The following AFAP1 variants were observed in gnomAD, a reference collection of about 807,000 sequenced individuals.
AFAP1 encodes the protein actin filament associated protein 1, also known as actin filament-associated protein 1.
AFAP1 carries 75 observed loss-of-function variants against 93.9 expected under a neutral mutation model. The observed-to-expected ratio is 0.80, with a 90% CI of 0.66 to 0.97. AFAP1 has a LOEUF of 0.97. Among genes scored for constraint, AFAP1 ranks in the 50% least tolerant of loss-of-function variants. The pLI is 0.00. For missense variants in AFAP1, 1,201 were observed against 1,050.8 expected (o/e 1.14, Z -1.98); for synonymous variants, 517 against 430.7 (o/e 1.20, Z -2.48).
At chr4:7,798,513 G>A (rs553403807) in intron 10 of AFAP1, among the ~76,000 whole-genome samples, 2 of 152,328 alleles carry the variant, frequency 1.3e-5, no homozygotes, top group East Asian at 3.9e-4. Context: ...GATGAGGTCA[G>A]GCTTCTTGCT....
intron 1 of AFAP1, among the ~76,000 whole-genome samples, chr4:7,880,577 C>T (rs892531211): frequency 6.6e-6 from 1 of 152,214 alleles, no homozygotes; most frequent in African/African-American, 2.4e-5. Flanking sequence ...CGCACCCGGC[C>T]CAAATGCCTT....
At chr4:7,928,397 G>T (rs916322926) in intron 1 of AFAP1, among the ~76,000 whole-genome samples, 3 of 151,624 alleles carry the variant, frequency 2.0e-5, no homozygotes, top group South Asian at 2.1e-4. Context: ...TGTTTTTTTG[G>T]TTTTTTTTGA....
intron 1 of AFAP1, among the ~76,000 whole-genome samples, chr4:7,890,905 T>C (rs918941548): frequency 6.6e-6 from 1 of 152,170 alleles, no homozygotes; most frequent in Admixed American, 6.5e-5. Context: ...GATCCAGTAA[T>C]GCCACTCCTG....
intron 1 of AFAP1, among the ~76,000 whole-genome samples, chr4:7,919,681 G>C (rs1194270744): frequency 6.6e-6 from 1 of 151,886 alleles, no homozygotes; most frequent in African/African-American, 2.4e-5. Context: ...GGATGTGCAG[G>C]TTTGTTACAT....
intron 1 of AFAP1, among the ~76,000 whole-genome samples, chr4:7,916,604 C>T (rs566248716): frequency 3.7e-4 from 57 of 152,196 alleles, no homozygotes; most frequent in Admixed American, 3.3e-3. Context: ...GACTCCCCTC[C>T]CCCTCCTGCA....
chr4:7,770,695 A>T (rs1158338256), intron 16 of AFAP1, among the ~76,000 whole-genome samples: 1 of 152,186 alleles, frequency 6.6e-6, no homozygotes, highest in East Asian at 1.9e-4. Context: ...GAGGTCAGGA[A>T]GGATGAGATC....
chr4:7,838,206 C>A (rs1356217281), intron 6 of AFAP1, among the ~76,000 whole-genome samples: 1 of 152,082 alleles, frequency 6.6e-6, no homozygotes, highest in African/African-American at 2.4e-5. Flanking sequence ...AGAAGCCCAG[C>A]CAATCCCAAC....
chr4:7,915,276 T>G (rs1254385009), intron 1 of AFAP1, among the ~76,000 whole-genome samples: 1 of 38,366 alleles, frequency 2.6e-5, no homozygotes, highest in East Asian at 4.1e-3. Flanking sequence ...CTTCTCACTG[T>G]GGTTTTGATT....
intron 1 of AFAP1, among the ~76,000 whole-genome samples, chr4:7,915,642 T>C (rs1262030767): frequency 6.6e-6 from 1 of 152,234 alleles, no homozygotes; most frequent in Non-Finnish European, 1.5e-5. Flanking sequence ...TTTGGGAAGG[T>C]CCCTTAACCA....
chr4:7,890,658 C>T (rs768219349), intron 1 of AFAP1, among the ~76,000 whole-genome samples: 20 of 152,230 alleles, frequency 1.3e-4, no homozygotes, highest in Middle Eastern at 3.4e-3. Flanking sequence ...TGGTTACAGA[C>T]ATTTCAGGAA....
chr4:7,837,504 C>G (rs1238867221), intron 6 of AFAP1, among the ~76,000 whole-genome samples: 2 of 152,172 alleles, frequency 1.3e-5, no homozygotes, highest in African/African-American at 4.8e-5. Flanking sequence ...TGATCTTGGA[C>G]TTCTCAGACT....
chr4:7,833,290 A>T (rs191013181), intron 6 of AFAP1, among the ~76,000 whole-genome samples: 69 of 152,328 alleles, frequency 4.5e-4, no homozygotes, highest in South Asian at 8.3e-4. Flanking sequence ...CAACGAACTC[A>T]AACAAATTAG....
chr4:7,841,152 G>A (rs777257689), intron 5 of AFAP1, among the ~76,000 whole-genome samples: 11 of 152,216 alleles, frequency 7.2e-5, no homozygotes, highest in East Asian at 1.9e-4. Context: ...ATGAATGGGC[G>A]TCCTGAAGAC....
chr4:7,836,036 G>C lies in AFAP1; in HGVS notation c.726+2488C>G, dbSNP rs112650962. 2.3e-3 allele frequency among the ~76,000 whole-genome samples: 356 copies of C among 152,182 alleles called. 1 individual carries two copies. Among genetic ancestry groups the C allele is most frequent in the African/African-American group, 8.2e-3 (340 of 41,514 alleles). The stretch of plus-strand genomic sequence containing the variant: ...TCTAGGAATCAAGTTATTTCCATAG[G>C]AACAACTGGGGACCCCCGTGAAAAA... On this transcript the variant is annotated intron_variant, in intron 6 of 17. Transcript: ENST00000420658.
chr4:7,813,346 A>G (rs1253928063), intron 8 of AFAP1, among the ~76,000 whole-genome samples: 4 of 152,258 alleles, frequency 2.6e-5, no homozygotes, highest in African/African-American at 4.8e-5. Flanking sequence ...TGCTACATGC[A>G]AAGCACCATG....
At position 7,858,716 on chromosome 4, in the gene AFAP1, CT is replaced by C. The variant is rs560710588; in HGVS notation, c.226-3143del. On this transcript the variant is annotated intron_variant, in intron 3 of 17. Transcript: ENST00000420658. ...CACAGCCACTCACATCCAAGGCTGG[CT>C]TGTTCCTGCACCTCTGCAACCTTGC... Among the ~76,000 whole-genome samples, 29 of 152,312 alleles carry C rather than the reference CT, an allele frequency of 1.9e-4. No homozygotes were observed. The South Asian group carries it at 6.0e-3, about 32-fold the overall frequency.
At chr4:7,884,690 T>C (rs1286233618) in intron 1 of AFAP1, among the ~76,000 whole-genome samples, 2 of 152,118 alleles carry the variant, frequency 1.3e-5, no homozygotes, top group South Asian at 2.1e-4. Context: ...ACTCTAAAGA[T>C]ACTTGAAAAC....
chr4:7,868,498 G>A (rs893948602), intron 3 of AFAP1, 124 bp downstream of exon 3: 2 of 743,338 alleles, frequency 2.7e-6, no homozygotes, highest in African/African-American at 1.8e-5. Context: ...ATACTCAAAG[G>A]AGTGCCTCGA....
rs148040488 is a variant in AFAP1, at chr4:7,865,983, G to A, written c.225+2639C>T. On this transcript the variant is annotated intron_variant, in intron 3 of 17. Transcript: ENST00000420658. ...TCGATCTCAGCTCACTGCAACCTCC[G>A]CCTCCTGGGTTCAAGCGATTCTCCT... Among the ~76,000 whole-genome samples the A allele has an allele frequency of 5.8e-3, 889 of 152,268 alleles. 7 individuals are homozygous for A. Among genetic ancestry groups the A allele is most frequent in the African/African-American group, 0.019 (775 of 41,548 alleles).
Sources: allele counts gnomAD v4.1 joint callset (sites outside exome capture counted in the v4.1 genomes callset), GRCh38; gene constraint gnomAD v4.1.1; transcripts MANE v1.5; gene names NCBI Gene and HGNC (gene_info 2026-07-23, HGNC 2026-07-21).